Variants in ST8SIA6 observed in about 807,000 individuals in gnomAD.
The protein encoded by ST8SIA6 is alpha-2,8-sialyltransferase 8F.
A neutral mutation model predicts 33.6 loss-of-function variants in ST8SIA6; 39 were observed. The observed-to-expected ratio is 1.16, with a 90% CI of 0.90 to 1.52. The LOEUF is 1.52. Among genes scored for constraint, ST8SIA6 ranks in the 40% most tolerant of loss-of-function variants. ST8SIA6 has a pLI of 0.00. For missense variants in ST8SIA6, 441 were observed against 443.8 expected (o/e 0.99, Z 0.06); for synonymous variants, 172 against 167.2 (o/e 1.03, Z -0.22).
At chr10:17,397,539 G>A (rs1850857221) in intron 2 of ST8SIA6, among the ~76,000 whole-genome samples, 1 of 152,046 alleles carries the variant, frequency 6.6e-6, no homozygotes, top group Admixed American at 6.6e-5. Context: ...CTGGCCTCCT[G>A]TGCACATTTG....
intron 2 of ST8SIA6, among the ~76,000 whole-genome samples, chr10:17,424,105 C>CTT (rs112889595): frequency 2.8e-5 from 4 of 140,486 alleles, no homozygotes; most frequent in African/African-American, 5.2e-5. Context: ...TTTCCAAATT[C>CTT]TTTTTTTTTT....
chr10:17,328,800 C>T (rs1483097223), intron 5 of ST8SIA6, among the ~76,000 whole-genome samples: 5 of 152,140 alleles, frequency 3.3e-5, no homozygotes, highest in African/African-American at 7.2e-5. Flanking sequence ...ATTTACTGCA[C>T]GTGCGCAGAA....
Position 17,327,054 on chromosome 10 carries a change from G to C in ST8SIA6, c.595C>G (p.Leu199Val), listed in dbSNP as rs781737491. The C allele has an allele frequency of 2.5e-6, 4 of 1,608,938 alleles. No homozygotes were observed. Among genetic ancestry groups the C allele is most frequent in the Admixed American group, 3.4e-5 (2 of 59,106 alleles). ...GATTTATCTATTTCAGTTCCACAGA[G>C]AGACTTATTCAGAATTCCCCCATTT... ...VGNGGILNKS[L>V]CGTEIDKSDF... The change falls in exon 6 of 8, where the codon CTC becomes GTC. Residue 199 changes from leucine to valine, a missense_variant. Leu to Val is a conservative substitution (Grantham distance 32). Transcript: ENST00000377602.
Position 17,454,322 on chromosome 10 carries a change from C to T in ST8SIA6, c.-67G>A, listed in dbSNP as rs954707414. On this transcript the variant is annotated 5_prime_UTR_variant, in exon 1 of 8. Coordinates refer to ENST00000377602, the MANE Select transcript of ST8SIA6 (RefSeq NM_001004470.3). The surrounding 1 kb of genome is among the most constrained non-coding windows in gnomAD (Gnocchi z 4.1). Reference sequence around the variant, plus strand: ...AAGCACAGCCCGGGCGGCCCCGACTCGCGGCTCCCGCCGCCGCCGCCACCG... The same window carrying T: ...AAGCACAGCCCGGGCGGCCCCGACTTGCGGCTCCCGCCGCCGCCGCCACCG... The T allele has an allele frequency of 5.9e-6, 1 of 170,070 alleles. No homozygotes were observed. The highest frequency in any genetic ancestry group is 1.2e-5 in the Non-Finnish European group (1 of 81,214). 10.5% of individuals were successfully genotyped at this position (170,070 alleles called of 1,614,324 possible). A position where few individuals can be genotyped will look rare whatever the true frequency, so the allele number is the denominator to read the frequency against.
rs538447367 is a variant in ST8SIA6, at chr10:17,389,208, A to G, written c.290+1323T>C. Reference sequence around the variant, plus strand: ...TCTAAAAACTCTGATCCCCGATCCAACGCTCAGGGAGACTGATTTGAGTAA... The same window carrying G: ...TCTAAAAACTCTGATCCCCGATCCAGCGCTCAGGGAGACTGATTTGAGTAA... On this transcript the variant is annotated intron_variant, in intron 3 of 7. Transcript: ENST00000377602. Among the ~76,000 whole-genome samples, 3 of 152,258 alleles carry G rather than the reference A, an allele frequency of 2.0e-5. No individual in the cohort carries two copies. The South Asian group carries it at 6.2e-4, about 32-fold the overall frequency.
At chr10:17,417,045 G>A (rs766456625) in intron 2 of ST8SIA6, among the ~76,000 whole-genome samples, 6 of 152,116 alleles carry the variant, frequency 3.9e-5, no homozygotes, top group Non-Finnish European at 8.8e-5. Flanking sequence ...AGTTCTGCAG[G>A]CTGTACACAA....
rs940234934 is a variant in ST8SIA6, at chr10:17,374,372, C to G, written c.291-14772G>C. Among the ~76,000 whole-genome samples, 3 of 152,178 alleles carry G rather than the reference C, an allele frequency of 2.0e-5. No homozygotes were observed. In the South Asian group the frequency reaches 6.2e-4, roughly 32 times the overall value. On this transcript the variant is annotated intron_variant, in intron 3 of 7. Coordinates refer to ENST00000377602, the MANE Select transcript of ST8SIA6 (RefSeq NM_001004470.3). ...CCACCTTTTAATAAATTTGACATAA[C>G]TTTTGTTTAAATGCAAACATTTTCA...
chr10:17,453,165 G>A (rs528050584), intron 2 of ST8SIA6, among the ~76,000 whole-genome samples: 4 of 148,102 alleles, frequency 2.7e-5, no homozygotes, highest in African/African-American at 1.0e-4. Flanking sequence ...TAACACCGGT[G>A]CCCTTTAAAG....
chr10:17,360,906 A>G (rs2131619297), intron 3 of ST8SIA6, among the ~76,000 whole-genome samples: 1 of 149,906 alleles, frequency 6.7e-6, no homozygotes, highest in African/African-American at 2.5e-5. Flanking sequence ...ACGAAGAAGA[A>G]GAAGAGGAAG....
chr10:17,436,378 T>C (rs1213965201), intron 2 of ST8SIA6, among the ~76,000 whole-genome samples: 1 of 152,160 alleles, frequency 6.6e-6, no homozygotes, highest in Non-Finnish European at 1.5e-5. Flanking sequence ...GTTTTTGTTT[T>C]TGTTTTTTTA....
intron 2 of ST8SIA6, among the ~76,000 whole-genome samples, chr10:17,441,304 C>CTTTACTTATTTA (rs1554803815): frequency 6.8e-6 from 1 of 148,126 alleles, no homozygotes; most frequent in Non-Finnish European, 1.5e-5. Flanking sequence ...TCTAAATTAT[C>CTTTACTTATTTA]TTTATTTATT....
At chr10:17,390,488 C>A (rs2131662236) in intron 3 of ST8SIA6, 43 bp downstream of exon 3, 2 of 1,494,890 alleles carry the variant, frequency 1.3e-6, no homozygotes, top group East Asian at 4.5e-5. Flanking sequence ...GAAAATAAAA[C>A]CCTTGTTGTA....
At chr10:17,328,773 CG>C (rs1197461476) in intron 5 of ST8SIA6, among the ~76,000 whole-genome samples, 1 of 152,136 alleles carries the variant, frequency 6.6e-6, no homozygotes, top group African/African-American at 2.4e-5. Flanking sequence ...TTTGCAAAAC[CG>C]GTATCACGGG....
intron 3 of ST8SIA6, among the ~76,000 whole-genome samples, chr10:17,374,449 C>T (rs1339753319): frequency 3.9e-5 from 5 of 128,032 alleles, no homozygotes; most frequent in East Asian, 3.1e-4. Context: ...TGTGGTGGCT[C>T]ATGCCTATGA....
intron 2 of ST8SIA6, among the ~76,000 whole-genome samples, chr10:17,426,102 C>T (rs962450803): frequency 1.3e-5 from 2 of 152,152 alleles, no homozygotes; most frequent in African/African-American, 4.8e-5. Flanking sequence ...CTAGAGGAAG[C>T]TCCACCCTGC....
chr10:17,442,974 A>G (rs2131739517), intron 2 of ST8SIA6, among the ~76,000 whole-genome samples: 1 of 152,340 alleles, frequency 6.6e-6, no homozygotes, highest in Non-Finnish European at 1.5e-5. Context: ...AAAAAGATAG[A>G]CAAGGCTTCG....
intron 4 of ST8SIA6, among the ~76,000 whole-genome samples, chr10:17,335,342 A>G (rs1330577994): frequency 2.6e-5 from 4 of 152,216 alleles, no homozygotes; most frequent in Admixed American, 2.6e-4. Flanking sequence ...TTATTGGTTT[A>G]GTCCTGAAAA....
intron 3 of ST8SIA6, among the ~76,000 whole-genome samples, chr10:17,369,118 A>G (rs1412737504): frequency 6.6e-6 from 1 of 152,180 alleles, no homozygotes; most frequent in East Asian, 1.9e-4. Flanking sequence ...CACACAATTC[A>G]CCCATCATAT....
At chr10:17,348,571 T>A (rs773612621) in intron 4 of ST8SIA6, among the ~76,000 whole-genome samples, 66 of 152,292 alleles carry the variant, frequency 4.3e-4, no homozygotes, top group Non-Finnish European at 7.5e-4. Flanking sequence ...GCAGTTCAGT[T>A]CTGCTCATGG....
Sources: gnomAD v4.1 joint callset for allele counts (sites outside exome capture counted in the v4.1 genomes callset) on GRCh38, gnomAD v4.1.1 for gene constraint, Gnocchi (gnomAD v3.1) non-coding constraint, MANE v1.5 for transcripts, NCBI Gene and HGNC (gene_info 2026-07-23, HGNC 2026-07-21) for gene names.